GART: variants seen among roughly 807,000 people sequenced by gnomAD.
The protein encoded by GART is trifunctional purine biosynthetic protein adenosine-3.
GART carries 43 observed loss-of-function variants against 107.2 expected under a neutral mutation model. That is an observed-to-expected ratio of 0.40 (90% CI 0.31 to 0.52). The LOEUF is 0.52. Among genes scored for constraint, GART ranks in the 20% least tolerant of loss-of-function variants. GART has a pLI of 0.52. For synonymous variants in GART, 434 were observed against 427.0 expected (o/e 1.02, Z -0.20); for missense variants, 1,107 against 1,206.5 (o/e 0.92, Z 1.22).
At position 33,510,058 on chromosome 21, in the gene GART, A is replaced by C. The variant is rs1309010751; in HGVS notation, c.2315-138T>G. ...GATAATGCAAGGACTAAAATGAACA[A>C]CACATTTGTATCACTTAACACTACT... On this transcript the variant is annotated intron_variant, in intron 17 of 21. Transcript: ENST00000381815. The C allele has an allele frequency of 4.8e-5, 35 of 735,840 alleles. 1 individual carries two copies. Among genetic ancestry groups the C allele is most frequent in the Non-Finnish European group, 2.6e-5 (12 of 461,622 alleles). 45.6% of individuals were successfully genotyped at this position (735,840 alleles called of 1,614,324 possible).
chr21:33,518,267 CAGG>C (rs1285703124), intron 14 of GART, among the ~76,000 whole-genome samples: 1 of 151,946 alleles, frequency 6.6e-6, no homozygotes, highest in Non-Finnish European at 1.5e-5. Context: ...TGGATCAGGT[CAGG>C]AGTTCGAGAC....
Position 33,509,777 on chromosome 21 carries a change from T to A in GART, c.2452+6A>T. On this transcript the variant is annotated splice_donor_region_variant and intron_variant, in intron 18 of 21. Transcript: ENST00000381815. ...GCTCTACAGTGAAGGGGAAGCCACA[T>A]CTCACCTGTTCCAGATATTAAGACA... The A allele has an allele frequency of 6.2e-7, 1 of 1,612,824 alleles. No individual in the cohort carries two copies. The highest frequency in any genetic ancestry group is 8.5e-7 in the Non-Finnish European group (1 of 1,179,682).
At position 33,511,461 on chromosome 21, in the gene GART, G is replaced by GA. The variant is rs768634004; in HGVS notation, c.2108-4dup. 2.5e-6 allele frequency: 4 copies of GA among 1,613,302 alleles called. No homozygotes were observed. The South Asian group carries it at 4.4e-5, about 18-fold the overall frequency. On this transcript the variant is annotated splice_region_variant and splice_polypyrimidine_tract_variant and intron_variant, in intron 16 of 21. Coordinates refer to ENST00000381815, the MANE Select transcript of GART (RefSeq NM_000819.5). ...GGGGATCCTCCAGGTCTGGGCATCT[G>GA]AAAAAAATAGACACGAATTGTTTGA...
At chr21:33,507,269 ATTAAG>A (rs974222825) in intron 18 of GART, among the ~76,000 whole-genome samples, 17 of 152,326 alleles carry the variant, frequency 1.1e-4, no homozygotes, top group South Asian at 2.1e-4. Context: ...ACGGGAGGTC[ATTAAG>A]TTAAGTGAAA....
At chr21:33,522,905 A>T (rs574413443) in intron 11 of GART, among the ~76,000 whole-genome samples, 1 of 152,376 alleles carries the variant, frequency 6.6e-6, no homozygotes, top group Admixed American at 6.5e-5. Flanking sequence ...AAGTCAAAAA[A>T]GTGAAAATTA....
intron 10 of GART, 38 bp from the exon 11 acceptor site, chr21:33,525,038 C>T (rs1252056439): frequency 6.3e-7 from 1 of 1,591,512 alleles, no homozygotes; most frequent in Admixed American, 1.8e-5. Flanking sequence ...TTTCAAATAG[C>T]AACAGTATTT....
rs541826591 is a variant in GART at position 33,530,180 on chromosome 21, G to A, written c.723+579C>T. On this transcript the variant is annotated intron_variant, in intron 7 of 21. Coordinates refer to ENST00000381815, the MANE Select transcript of GART (RefSeq NM_000819.5). ...GCACCCCAGCCTGGTAACAGAGCGA[G>A]ACTCCGTCTCAAAAAACAACAACAA... 1.2e-4 allele frequency among the ~76,000 whole-genome samples: 18 copies of A among 152,332 alleles called. No individual in the cohort carries two copies. The South Asian group carries it at 3.7e-3, about 32-fold the overall frequency.
rs139699867 is a variant in GART at position 33,528,911 on chromosome 21, A to G, written c.750T>C (p.Ile250=). 255 of 1,612,650 alleles carry G rather than the reference A, an allele frequency of 1.6e-4. No homozygotes were observed. The African/African-American group carries it at 2.8e-3, about 18-fold the overall frequency. ...PQVSNDLLLK[I]KDTVLQRTVD... is the part of the protein sequence containing the mutation. ...CTGTCCTCTGAAGAACAGTATCTTT[A>G]ATTTTTAGTAATAGATCATTAGAAA... is the stretch of plus-strand genomic sequence containing the variant. Residue 250 remains isoleucine (I), a synonymous_variant, in exon 8 of 22, where the codon ATT becomes ATC. Transcript: ENST00000381815.
At chr21:33,521,098 C>G in intron 12 of GART, 83 bp from the exon 13 acceptor site, 1 of 1,137,040 alleles carries the variant, frequency 8.8e-7, no homozygotes, top group Non-Finnish European at 1.3e-6. Flanking sequence ...TTTAAAAAAA[C>G]CAGTATATTT....
At chr21:33,508,277 C>A (rs982978447) in intron 18 of GART, among the ~76,000 whole-genome samples, 5 of 152,004 alleles carry the variant, frequency 3.3e-5, no homozygotes, top group Non-Finnish European at 7.4e-5. Flanking sequence ...GCAAGAAAAA[C>A]TGACCCTCTC....
intron 16 of GART, among the ~76,000 whole-genome samples, chr21:33,516,355 A>G (rs988630415): frequency 6.6e-6 from 1 of 151,718 alleles, no homozygotes; most frequent in African/African-American, 2.4e-5. Flanking sequence ...CAGTCACTCT[A>G]CTTTGAGAAA....
At chr21:33,505,816 G>C in intron 19 of GART, 114 bp from the exon 20 acceptor site, 2 of 1,341,590 alleles carry the variant, frequency 1.5e-6, no homozygotes, top group South Asian at 1.4e-5. Context: ...ACCTGATAGA[G>C]AGATTATTAA....
intron 11 of GART, chr21:33,524,531 T>C (rs3088267): frequency 8.8e-7 from 1 of 1,140,502 alleles, no homozygotes; most frequent in Non-Finnish European, 1.1e-6. Context: ...AGAAAACAAA[T>C]AAAAATCAGT....
intron 2 of GART, among the ~76,000 whole-genome samples, chr21:33,535,523 C>A (rs2085288619): frequency 6.6e-6 from 1 of 152,122 alleles, no homozygotes; most frequent in Non-Finnish European, 1.5e-5. Flanking sequence ...GAGCTCAGTT[C>A]TCCGTTATCA....
Position 33,509,823 on chromosome 21 carries a change from T to C in GART, c.2412A>G (p.Glu804=). The C allele has an allele frequency of 6.2e-7, 1 of 1,614,092 alleles. No individual in the cohort carries two copies. The highest frequency in any genetic ancestry group is 8.5e-7 in the Non-Finnish European group (1 of 1,179,996). ...AGACAGCCACTCTGGCCTTTTTTTTTTCAAAAGAGAAATGATTTGTCAGGG... is the reference window on the plus strand; with the variant it reads ...AGACAGCCACTCTGGCCTTTTTTTTCTCAAAAGAGAAATGATTTGTCAGGG... ...NGSLTNHFSF[E]KKKARVAVLI... is the part of the protein sequence containing the mutation. The change falls in exon 18 of 22, where the codon GAA becomes GAG. Residue 804 remains glutamate, a synonymous_variant. Coordinates refer to ENST00000381815, the MANE Select transcript of GART (RefSeq NM_000819.5).
At chr21:33,540,615 T>C (rs751101993) in intron 1 of GART, among the ~76,000 whole-genome samples, 3 of 152,154 alleles carry the variant, frequency 2.0e-5, no homozygotes, top group Non-Finnish European at 4.4e-5. Context: ...ACCTAGGAGA[T>C]TAACTGAAAT....
chr21:33,512,288 T>TC (rs2084798237), intron 16 of GART, among the ~76,000 whole-genome samples: 1 of 48,458 alleles, frequency 2.1e-5, no homozygotes, highest in Non-Finnish European at 4.2e-5. Flanking sequence ...CGACTCAAAT[T>TC]GAAAAAAAAA....
In GART at chr21:33,517,572, G is replaced by C. The variant is rs377766009; in HGVS notation, c.1739C>G (p.Pro580Arg). 3 of 1,614,084 alleles carry C rather than the reference G, an allele frequency of 1.9e-6. No individual in the cohort carries two copies. In the African/African-American group the frequency reaches 4.0e-5, roughly 22 times the overall value. ...ETAEMPDMYP[P>R]GEYDLAGFAV... ...AAACCCAGCTAGGTCATACTCTCCA[G>C]GGGGATACATGTCAGGCATTTCTGC... The change falls in exon 15 of 22, where the codon CCT (proline) becomes CGT (arginine). Residue 580 changes from proline to arginine, a missense_variant. Coordinates refer to ENST00000381815, the MANE Select transcript of GART (RefSeq NM_000819.5).
chr21:33,519,936 A>ATAT (rs1037298131), intron 14 of GART, among the ~76,000 whole-genome samples: 2 of 151,632 alleles, frequency 1.3e-5, no homozygotes, highest in African/African-American at 4.9e-5. Flanking sequence ...ACTTGGGCGT[A>ATAT]TATTATTATT....
Sources: gnomAD v4.1 joint callset for allele counts (sites outside exome capture counted in the v4.1 genomes callset) on GRCh38, gnomAD v4.1.1 for gene constraint, MANE v1.5 for transcripts, NCBI Gene and HGNC (gene_info 2026-07-23, HGNC 2026-07-21) for gene names.